The following NEBL variants were observed in gnomAD, a reference collection of about 807,000 sequenced individuals.
NEBL encodes nebulette.
Under a neutral mutation model 140.2 loss-of-function variants are expected in NEBL, and 122 were observed. That is an observed-to-expected ratio of 0.87 (90% CI 0.75 to 1.01). The LOEUF (loss-of-function observed/expected upper bound fraction) is 1.01. NEBL is among the 50% of genes least tolerant of loss of function. The probability of loss-of-function intolerance (pLI) is 0.00; values close to 1 mark genes in which losing one functional copy is unlikely to be tolerated. For synonymous variants in NEBL, 436 were observed against 398.9 expected, an observed-to-expected ratio of 1.09 and a Z score of -1.11; for missense variants, 1,365 against 1,231.3, an observed-to-expected ratio of 1.11 and a Z score of -1.62.
chr10:20,863,638 G>A (rs1843958004), intron 7 of NEBL, among the ~76,000 whole-genome samples: 1 of 152,132 alleles, frequency 6.6e-6, no homozygotes, highest in South Asian at 2.1e-4. Flanking sequence ...AAATGTTAAT[G>A]ATCCAGAGAA....
At chr10:20,850,953 G>A (rs1444449214) in intron 10 of NEBL, among the ~76,000 whole-genome samples, 2 of 152,170 alleles carry the variant, frequency 1.3e-5, no homozygotes, top group African/African-American at 4.8e-5. Context: ...AACGGAGGAG[G>A]ATGTCCTCCA....
At chr10:21,193,831 G>A (rs1438279422) in intron 3 of NEBL, among the ~76,000 whole-genome samples, 2 of 152,068 alleles carry the variant, frequency 1.3e-5, no homozygotes, top group East Asian at 3.9e-4. Flanking sequence ...GATTTCTTCA[G>A]CACAAGAATT....
At chr10:21,189,597 T>C (rs1366479182) in intron 3 of NEBL, among the ~76,000 whole-genome samples, 1 of 152,174 alleles carries the variant, frequency 6.6e-6, no homozygotes. Flanking sequence ...CCCGAGTAGC[T>C]GGGACTACAG....
intron 3 of NEBL, among the ~76,000 whole-genome samples, chr10:21,008,760 T>C (rs1838227012): frequency 6.6e-6 from 1 of 152,180 alleles, no homozygotes; most frequent in South Asian, 2.1e-4. Context: ...TGTAGATATA[T>C]ACACATAGGA....
chr10:21,273,470 C>T (rs1842882408), intron 1 of NEBL, among the ~76,000 whole-genome samples: 1 of 152,170 alleles, frequency 6.6e-6, no homozygotes, highest in Non-Finnish European at 1.5e-5. Context: ...AGGGGCTAAG[C>T]ATCACAGGGC....
At chr10:21,078,802 T>C (rs1195025803) in intron 2 of NEBL, among the ~76,000 whole-genome samples, 1 of 152,234 alleles carries the variant, frequency 6.6e-6, no homozygotes, top group Non-Finnish European at 1.5e-5. Flanking sequence ...ACAGAGATAT[T>C]TGGGCAAAGC....
At chr10:21,168,393 G>T (rs1215076463) in intron 2 of NEBL, among the ~76,000 whole-genome samples, 2 of 151,972 alleles carry the variant, frequency 1.3e-5, no homozygotes, top group African/African-American at 4.8e-5. Context: ...CCCTTTTCTT[G>T]AAAACTGTGA....
At chr10:20,880,986 T>C in intron 4 of NEBL, 82 bp from the exon 5 acceptor site, 2 of 1,067,118 alleles carry the variant, frequency 1.9e-6, no homozygotes, top group Non-Finnish European at 2.9e-6. Context: ...GCCAGGACTT[T>C]ATATATTTGA....
At chr10:21,146,465 G>A in intron 2 of NEBL, 6 of 1,613,706 alleles carry the variant, frequency 3.7e-6, no homozygotes, top group Non-Finnish European at 5.1e-6. Context: ...AATTTCAGGT[G>A]CCATGCTTTC....
chr10:21,282,473 AC>A (rs1843005200), intron 1 of NEBL, among the ~76,000 whole-genome samples: 1 of 152,166 alleles, frequency 6.6e-6, no homozygotes, highest in South Asian at 2.1e-4. Flanking sequence ...ACGAAGTCAT[AC>A]CTTTGCCACC....
At chr10:20,954,799 C>T (rs1455896939) in intron 4 of NEBL, among the ~76,000 whole-genome samples, 1 of 152,096 alleles carries the variant, frequency 6.6e-6, no homozygotes, top group East Asian at 1.9e-4. Context: ...TTTCCGGGGA[C>T]CCCCTCCCAT....
intron 1 of NEBL, among the ~76,000 whole-genome samples, chr10:21,257,815 G>A (rs1470487230): frequency 4.0e-5 from 6 of 151,798 alleles, no homozygotes; most frequent in African/African-American, 1.2e-4. Context: ...AAACCAGGAG[G>A]TGGAGCTTGC....
intron 4 of NEBL, among the ~76,000 whole-genome samples, chr10:20,905,005 G>C (rs891422600): frequency 6.6e-6 from 1 of 152,176 alleles, no homozygotes; most frequent in African/African-American, 2.4e-5. Flanking sequence ...AATTTATGGA[G>C]AAAAGCTGTT....
At chr10:20,933,830 C>T (rs1268684695) in intron 4 of NEBL, among the ~76,000 whole-genome samples, 1 of 152,138 alleles carries the variant, frequency 6.6e-6, no homozygotes, top group Non-Finnish European at 1.5e-5. Flanking sequence ...GGCAGGTGTC[C>T]TCCACTCAGT....
intron 3 of NEBL, among the ~76,000 whole-genome samples, chr10:21,193,830 A>G (rs1369528230): frequency 6.6e-6 from 1 of 152,154 alleles, no homozygotes. Flanking sequence ...AGATTTCTTC[A>G]GCACAAGAAT....
In NEBL at chr10:20,808,672, G is replaced by A; in HGVS notation, c.2612-13C>T. The A allele has an allele frequency of 6.2e-7, 1 of 1,609,280 alleles. No individual in the cohort carries two copies. Among genetic ancestry groups the A allele is most frequent in the South Asian group, 1.1e-5 (1 of 90,920 alleles). ...TGACTCGCCTTTTCTATATTGGAGG[G>A]AAAATATTTACACGTGTGATTAAGT... On this transcript the variant is annotated splice_polypyrimidine_tract_variant and intron_variant, in intron 25 of 27. Coordinates refer to ENST00000377122, the MANE Select transcript of NEBL (RefSeq NM_006393.3).
chr10:21,259,076 T>C (rs1842702690), intron 1 of NEBL, among the ~76,000 whole-genome samples: 1 of 151,770 alleles, frequency 6.6e-6, no homozygotes, highest in Non-Finnish European at 1.5e-5. Flanking sequence ...ACAGTCTTTT[T>C]TTTTTTTTAA....
At chr10:21,035,005 A>T (rs896341154) in intron 2 of NEBL, among the ~76,000 whole-genome samples, 6 of 150,972 alleles carry the variant, frequency 4.0e-5, no homozygotes, top group African/African-American at 1.5e-4. Flanking sequence ...ACAGAGTCTC[A>T]CTCCATTGCC....
chr10:21,030,382 G>A (rs1833730651), intron 2 of NEBL: 1 of 609,634 alleles, frequency 1.6e-6, no homozygotes, highest in South Asian at 1.5e-5. Context: ...ATGCAGGAAG[G>A]AGAGAGACTG....
Sources: gnomAD v4.1 joint callset for allele counts (sites outside exome capture counted in the v4.1 genomes callset) on GRCh38, gnomAD v4.1.1 for gene constraint, MANE v1.5 for transcripts, NCBI Gene and HGNC (gene_info 2026-07-23, HGNC 2026-07-21) for gene names.